Variants in ZNF487 observed in about 807,000 individuals in gnomAD.
The protein encoded by ZNF487 is KRAB domain only 1.
ZNF487 carries 4 observed loss-of-function variants against 3.0 expected under a neutral mutation model. That is an observed-to-expected ratio of 1.35 (90% CI 0.66 to 3.08). The LOEUF is 3.08. Among genes scored for constraint, ZNF487 ranks in the 30% most tolerant of loss-of-function variants. The pLI, the probability that ZNF487 is intolerant of heterozygous loss-of-function variation, is 0.01. For missense variants in ZNF487, 146 were observed against 98.7 expected (o/e 1.48, Z -2.03); for synonymous variants, 55 against 34.6 (o/e 1.59, Z -2.06).
chr10:43,475,600 T>A (rs144750987), intron 1 of ZNF487, 121 bp from the exon 2 acceptor site: 1 of 682,664 alleles, frequency 1.5e-6, no homozygotes, highest in East Asian at 2.7e-5. Context: ...ATAGTAGGCA[T>A]CCTATGTAGC....
chr10:43,457,277 C>G (rs879592195), intron 1 of ZNF487, among the ~76,000 whole-genome samples: 5 of 150,302 alleles, frequency 3.3e-5, no homozygotes, highest in Admixed American at 6.6e-5. Context: ...AAAACAAAAA[C>G]CCTAGCGCGG....
chr10:43,522,151 G>C, the ZNF487 span, among the ~76,000 whole-genome samples: 1 of 152,164 alleles, frequency 6.6e-6, no homozygotes, highest in Non-Finnish European at 1.5e-5. Context: ...TACTGTCTGG[G>C]CAATAGGAGT....
intron 1 of ZNF487, among the ~76,000 whole-genome samples, chr10:43,456,290 T>A (rs539326375): frequency 6.6e-5 from 10 of 152,312 alleles, no homozygotes; most frequent in African/African-American, 2.2e-4. Context: ...GCAGCACTTG[T>A]AAGGTAGAGG....
chr10:43,472,330 C>A (rs1320727971), intron 1 of ZNF487, among the ~76,000 whole-genome samples: 4 of 152,166 alleles, frequency 2.6e-5, no homozygotes, highest in Non-Finnish European at 4.4e-5. Flanking sequence ...ATTCCTTCCC[C>A]TTCTTGTTTG....
At chr10:43,514,860 C>T in the ZNF487 span, among the ~76,000 whole-genome samples, 1 of 152,120 alleles carries the variant, frequency 6.6e-6, no homozygotes, top group East Asian at 1.9e-4. Flanking sequence ...TCTTCTGGGC[C>T]CTCCCAGCTG....
At chr10:43,454,254 G>C (rs1460658583) in intron 1 of ZNF487, 1 of 152,124 alleles carries the variant, frequency 6.6e-6, no homozygotes, top group African/African-American at 2.4e-5. Flanking sequence ...GTTTCACCAT[G>C]TTGCCCAGGC....
chr10:43,484,854 T>C (rs1001723217), downstream of ZNF487, among the ~76,000 whole-genome samples: 1 of 152,236 alleles, frequency 6.6e-6, no homozygotes, highest in Non-Finnish European at 1.5e-5. Flanking sequence ...ACACTTTCTA[T>C]ATTAGGATCC....
chr10:43,513,569 A>T, the ZNF487 span, among the ~76,000 whole-genome samples: 1 of 152,200 alleles, frequency 6.6e-6, no homozygotes, highest in East Asian at 1.9e-4. Context: ...CTCTCCAGGG[A>T]TGTGATATTG....
Position 43,463,786 on chromosome 10 carries a change from G to T in ZNF487, c.-93-11935G>T, listed in dbSNP as rs1279785984. Among the ~76,000 whole-genome samples the T allele has an allele frequency of 3.4e-5, 5 of 148,616 alleles. No homozygotes were observed. In the Admixed American group the frequency reaches 3.4e-4, roughly 10 times the overall value. ...TTTTGGTAATTCTTGCCCTATTTCA[G>T]ACTTTTTTTTATTATCTATTATGGC... is the stretch of plus-strand genomic sequence containing the variant. On this transcript the variant is annotated intron_variant, in intron 1 of 3. Coordinates refer to ENST00000437590, the MANE Select transcript of ZNF487 (RefSeq NM_001355444.3).
At chr10:43,498,114 C>CTTTTT in the ZNF487 span, among the ~76,000 whole-genome samples, 8 of 24,612 alleles carry the variant, frequency 3.3e-4, no homozygotes, top group Non-Finnish European at 4.6e-4. Context: ...TTTTTTTTTT[C>CTTTTT]TTTTTTTTTT....
At chr10:43,437,040 G>A (rs957601729), upstream of ZNF487, 1 of 339,190 alleles carries the variant, frequency 2.9e-6, no homozygotes, top group African/African-American at 2.3e-5. Context: ...AAGGCTTCCG[G>A]AAGCGCAGGG....
intron 1 of ZNF487, among the ~76,000 whole-genome samples, chr10:43,471,989 G>A (rs1365005756): frequency 6.6e-6 from 1 of 152,192 alleles, no homozygotes; most frequent in Non-Finnish European, 1.5e-5. Flanking sequence ...GATTTAACTT[G>A]TATCTTGGCT....
the ZNF487 span, among the ~76,000 whole-genome samples, chr10:43,521,128 T>G: frequency 6.6e-6 from 1 of 152,278 alleles, no homozygotes; most frequent in African/African-American, 2.4e-5. Context: ...TCTGGAAAGT[T>G]ACCACAAGCA....
intron 3 of ZNF487, among the ~76,000 whole-genome samples, chr10:43,480,122 T>A (rs1387048111): frequency 6.7e-6 from 1 of 148,602 alleles, no homozygotes; most frequent in Non-Finnish European, 1.5e-5. Flanking sequence ...CTTTTCTTTT[T>A]TTTGAGATGG....
At chr10:43,445,450 T>C (rs10899803) in intron 1 of ZNF487, among the ~76,000 whole-genome samples, 10,871 of 152,216 alleles carry the variant, frequency 0.071, 538 homozygotes, top group East Asian at 0.2. Flanking sequence ...TTCCTGTGAA[T>C]CTTCTTGAGC....
At chr10:43,467,662 C>T (rs1256195493) in intron 1 of ZNF487, among the ~76,000 whole-genome samples, 1 of 151,332 alleles carries the variant, frequency 6.6e-6, no homozygotes, top group Non-Finnish European at 1.5e-5. Flanking sequence ...ACTAAAAATA[C>T]AAAAATTAGC....
the ZNF487 span, among the ~76,000 whole-genome samples, chr10:43,521,791 A>G: frequency 1.3e-5 from 2 of 152,156 alleles, no homozygotes; most frequent in Admixed American, 1.3e-4. Flanking sequence ...CTGGAAAGAG[A>G]AACCAGACAT....
chr10:43,446,245 A>T (rs955485532), intron 1 of ZNF487, among the ~76,000 whole-genome samples: 6 of 151,822 alleles, frequency 4.0e-5, no homozygotes, highest in African/African-American at 1.5e-4. Context: ...CACTTCCCAG[A>T]CGTGGCGGCC....
intron 1 of ZNF487, among the ~76,000 whole-genome samples, chr10:43,470,162 A>G (rs1256542880): frequency 3.9e-5 from 6 of 151,928 alleles, no homozygotes; most frequent in Admixed American, 3.9e-4. Context: ...CTTCTGGTTG[A>G]CTTTCTTCAC....
Sources: allele counts gnomAD v4.1 joint callset (sites outside exome capture counted in the v4.1 genomes callset), GRCh38; gene constraint gnomAD v4.1.1; transcripts MANE v1.5; gene names NCBI Gene and HGNC (gene_info 2026-07-23, HGNC 2026-07-21).